The following TMEFF1 variants were observed in gnomAD, a reference collection of about 807,000 sequenced individuals.
TMEFF1 encodes tomoregulin-1.
A neutral mutation model predicts 47.5 loss-of-function variants in TMEFF1; 20 were observed. The ratio of observed to expected loss-of-function variants is 0.42; its 90% CI spans 0.30 to 0.61. TMEFF1 has a LOEUF of 0.61. Ranked by LOEUF, TMEFF1 falls within the 20% of genes least tolerant of loss-of-function variation. The pLI is 0.19. For missense variants in TMEFF1, 411 were observed against 471.1 expected (o/e 0.87, Z 1.18); for synonymous variants, 162 against 166.3 (o/e 0.97, Z 0.20).
chr9:100,514,314 T>TA (rs372558259), intron 4 of TMEFF1, among the ~76,000 whole-genome samples: 115 of 139,536 alleles, frequency 8.2e-4, no homozygotes, highest in Middle Eastern at 3.9e-3. Flanking sequence ...CAGTTTCAGC[T>TA]AAAAAAAAAA....
intron 2 of TMEFF1, among the ~76,000 whole-genome samples, chr9:100,504,895 TCA>T (rs1226614069): frequency 2.6e-5 from 4 of 152,240 alleles, no homozygotes; most frequent in African/African-American, 7.2e-5. Context: ...ATTTTAATAT[TCA>T]GTTTCTTTAC....
intron 1 of TMEFF1, among the ~76,000 whole-genome samples, chr9:100,487,354 G>A (rs111313913): frequency 0.015 from 2,253 of 152,148 alleles, 53 homozygotes; most frequent in African/African-American, 0.051. Context: ...TTTTAGTACA[G>A]ATGGGGTTTC....
chr9:100,565,064 C>T (rs1587858177), intron 8 of TMEFF1, among the ~76,000 whole-genome samples: 1 of 152,088 alleles, frequency 6.6e-6, no homozygotes, highest in South Asian at 2.1e-4. Flanking sequence ...TTCAGTTTGA[C>T]GTGCTTGGTC....
chr9:100,533,446 T>C (rs762894529), intron 5 of TMEFF1, among the ~76,000 whole-genome samples: 9 of 152,162 alleles, frequency 5.9e-5, no homozygotes, highest in Non-Finnish European at 1.3e-4. Context: ...TATTATCTTT[T>C]AAATCATAAT....
At chr9:100,506,830 C>A (rs1294518967) in intron 2 of TMEFF1, among the ~76,000 whole-genome samples, 2 of 147,038 alleles carry the variant, frequency 1.4e-5, no homozygotes, top group Non-Finnish European at 3.0e-5. Flanking sequence ...TTTTGCCTAA[C>A]TTTGTTAGCT....
At chr9:100,544,702 C>T (rs1165455904) in intron 5 of TMEFF1, among the ~76,000 whole-genome samples, 1 of 152,250 alleles carries the variant, frequency 6.6e-6, no homozygotes, top group African/African-American at 2.4e-5. Flanking sequence ...CAAAAGTCCA[C>T]AGTCCAACAT....
chr9:100,540,103 G>A (rs1182343452), intron 5 of TMEFF1, among the ~76,000 whole-genome samples: 2 of 152,072 alleles, frequency 1.3e-5, no homozygotes, highest in Non-Finnish European at 2.9e-5. Context: ...AGTTCTCCAA[G>A]TCACCTACCC....
chr9:100,473,544 C>G lies in TMEFF1; in HGVS notation c.-1C>G, dbSNP rs1402537862. On this transcript the variant is annotated 5_prime_UTR_variant, in exon 1 of 10. Coordinates refer to ENST00000374879, the MANE Select transcript of TMEFF1 (RefSeq NM_003692.5). This position sits in a 1 kb window ranked among gnomAD's most constrained non-coding sequence, Gnocchi z 5.4. ...CTTCCCGCCGTCCAGGGGCACCAGT[C>G]ATGGGCGCCGCAGCCGCTGAGGCGC... The G allele has an allele frequency of 6.6e-7, 1 of 1,514,280 alleles. No homozygotes were observed. 93.8% of individuals were successfully genotyped at this position (1,514,280 alleles called of 1,614,324 possible).
chr9:100,546,613 C>T (rs577812999), intron 5 of TMEFF1, among the ~76,000 whole-genome samples: 36 of 152,288 alleles, frequency 2.4e-4, no homozygotes, highest in African/African-American at 8.4e-4. Flanking sequence ...GCTCAATTGA[C>T]CTTTCTCTGT....
chr9:100,575,121 C>T (rs1190977902), intron 9 of TMEFF1, among the ~76,000 whole-genome samples: 3 of 152,140 alleles, frequency 2.0e-5, no homozygotes. Context: ...CATTTATGTA[C>T]TTGGATTTAT....
chr9:100,548,032 T>C (rs1051812028), intron 6 of TMEFF1, 140 bp downstream of exon 6: 15 of 1,029,020 alleles, frequency 1.5e-5, no homozygotes, highest in Non-Finnish European at 1.9e-5. Context: ...ATATTTCAGA[T>C]TTTTTATTAC....
intron 8 of TMEFF1, among the ~76,000 whole-genome samples, chr9:100,571,024 A>G (rs775369136): frequency 3.3e-5 from 5 of 152,050 alleles, no homozygotes; most frequent in African/African-American, 7.2e-5. Context: ...CTTTTTATCT[A>G]CTTTTAATTG....
chr9:100,519,437 T>TA (rs1193044364), intron 5 of TMEFF1, among the ~76,000 whole-genome samples: 4 of 142,452 alleles, frequency 2.8e-5, no homozygotes, highest in South Asian at 2.3e-4. Context: ...AAATAAATAA[T>TA]AAAAAATTTA....
At chr9:100,526,685 T>C (rs1838258581) in intron 5 of TMEFF1, among the ~76,000 whole-genome samples, 1 of 152,098 alleles carries the variant, frequency 6.6e-6, no homozygotes, top group Non-Finnish European at 1.5e-5. Context: ...TCAGGACTCA[T>C]GGATTTTTCT....
chr9:100,474,356 T>G (rs1048106618), intron 1 of TMEFF1, among the ~76,000 whole-genome samples: 2 of 151,528 alleles, frequency 1.3e-5, no homozygotes, highest in Non-Finnish European at 2.9e-5. Flanking sequence ...TGTGTGTTCT[T>G]TGGGTTCTGA....
intron 7 of TMEFF1, 62 bp from the exon 8 acceptor site, chr9:100,561,335 A>G (rs1839009332): frequency 6.3e-7 from 1 of 1,575,986 alleles, no homozygotes; most frequent in Non-Finnish European, 8.6e-7. Flanking sequence ...AGAACATTTG[A>G]AAAGTCCTTA....
At chr9:100,476,654 A>G (rs572475369) in intron 1 of TMEFF1, among the ~76,000 whole-genome samples, 2 of 149,930 alleles carry the variant, frequency 1.3e-5, no homozygotes, top group African/African-American at 2.5e-5. Flanking sequence ...CGGCCTCCCA[A>G]AGTGTTGAGA....
rs1259547792 is a variant in TMEFF1, at chr9:100,508,606, C to T, written c.307-399C>T. Among the ~76,000 whole-genome samples the T allele has an allele frequency of 5.3e-5, 8 of 151,456 alleles. No individual in the cohort carries two copies. In the East Asian group the frequency reaches 1.2e-3, roughly 22 times the overall value. On this transcript the variant is annotated intron_variant, in intron 2 of 9. Transcript: ENST00000374879. Reference sequence around the variant, plus strand: ...TGTACCATTTACCTTGGGACTTTGCCTACTAGATGTTTTGAATAATGATTT... The same window carrying T: ...TGTACCATTTACCTTGGGACTTTGCTTACTAGATGTTTTGAATAATGATTT...
At chr9:100,543,952 T>C (rs1457414626) in intron 5 of TMEFF1, among the ~76,000 whole-genome samples, 1 of 152,148 alleles carries the variant, frequency 6.6e-6, no homozygotes, top group Non-Finnish European at 1.5e-5. Flanking sequence ...GTGTGAGGGC[T>C]GGCTTGTGGC....
Sources: allele counts gnomAD v4.1 joint callset (sites outside exome capture counted in the v4.1 genomes callset), GRCh38; gene constraint gnomAD v4.1.1; non-coding constraint Gnocchi (gnomAD v3.1); transcripts MANE v1.5; gene names NCBI Gene and HGNC (gene_info 2026-07-23, HGNC 2026-07-21).